RANBP2: variants seen among roughly 807,000 people sequenced by gnomAD.
RANBP2 encodes the protein E3 SUMO-protein ligase RanBP2.
In RANBP2, 57 loss-of-function variants were observed where a neutral mutation model predicts 303.6. That is an observed-to-expected ratio of 0.19 (90% CI 0.15 to 0.23). The LOEUF (loss-of-function observed/expected upper bound fraction) is 0.23, where lower values mean the gene tolerates loss of function less well. Ranked by LOEUF, RANBP2 falls within the 10% of genes least tolerant of loss-of-function variation. The pLI is 1.00. For missense variants in RANBP2, 3,138 were observed against 3,780.8 expected (o/e 0.83, Z 4.46); for synonymous variants, 1,167 against 1,301.5 (o/e 0.90, Z 2.23).
chr2:108,928,092 G>A, the RANBP2 span, among the ~76,000 whole-genome samples: 1 of 152,244 alleles, frequency 6.6e-6, no homozygotes, highest in African/African-American at 2.4e-5. Flanking sequence ...GTCTTCAGCG[G>A]TGGTTTCCAG....
Position 108,763,433 on chromosome 2 carries a change from A to G in RANBP2, c.2894A>G (p.Asn965Ser), listed in dbSNP as rs201447642. The G allele has an allele frequency of 7.4e-5, 120 of 1,613,914 alleles. No individual in the cohort carries two copies. Among genetic ancestry groups the G allele is most frequent in the East Asian group, 5.1e-4 (23 of 44,894 alleles). The change falls in exon 20 of 29, where the codon AAT (asparagine) becomes AGT (serine). Residue 965 changes from asparagine to serine, a missense_variant. Coordinates refer to ENST00000283195, the MANE Select transcript of RANBP2 (RefSeq NM_006267.5). Reference protein sequence around the residue: ...SPRGDDYFNYNVQQTSTNPPL... With the variant: ...SPRGDDYFNYSVQQTSTNPPL... ...AGGGGTGATGATTACTTTAATTACA[A>G]TGTTCAACAGACAAGCACAAATCCA...
chr2:108,786,889 G>A (rs746664626), downstream of RANBP2: 13 of 1,561,992 alleles, frequency 8.3e-6, no homozygotes, highest in African/African-American at 1.4e-5. Context: ...AAGCCGCTAC[G>A]GACTCGGGGG....
the RANBP2 span, among the ~76,000 whole-genome samples, chr2:109,527,901 G>T: frequency 6.6e-6 from 1 of 152,234 alleles, no homozygotes; most frequent in South Asian, 2.1e-4. Context: ...CGACTGAGGA[G>T]CCAGGGAGGG....
At chr2:109,094,867 A>G in the RANBP2 span, among the ~76,000 whole-genome samples, 17 of 152,314 alleles carry the variant, frequency 1.1e-4, no homozygotes, top group African/African-American at 4.1e-4. Context: ...ACAACTGATT[A>G]ATTGGCTTGG....
chr2:109,490,836 A>G, the RANBP2 span: 1 of 1,536,784 alleles, frequency 6.5e-7, no homozygotes, highest in Non-Finnish European at 8.7e-7. Context: ...TCTGCACAGG[A>G]AGGCAGGCTC....
the RANBP2 span, among the ~76,000 whole-genome samples, chr2:108,990,437 C>CAAAAA: frequency 1.1e-3 from 78 of 70,276 alleles, no homozygotes; most frequent in African/African-American, 1.3e-3. Context: ...GACTCCGTCT[C>CAAAAA]AAAAAAAAAA....
the RANBP2 span, among the ~76,000 whole-genome samples, chr2:108,830,112 A>T: frequency 6.6e-5 from 10 of 152,222 alleles, no homozygotes; most frequent in Admixed American, 6.5e-4. Context: ...ATGCTACAGC[A>T]TGAATGAACC....
chr2:109,002,312 T>C, the RANBP2 span, among the ~76,000 whole-genome samples: 1 of 152,196 alleles, frequency 6.6e-6, no homozygotes, highest in African/African-American at 2.4e-5. Flanking sequence ...GAGCCGGGAT[T>C]CCACTTCCCA....
chr2:109,384,356 G>C, the RANBP2 span, among the ~76,000 whole-genome samples: 1 of 152,152 alleles, frequency 6.6e-6, no homozygotes, highest in African/African-American at 2.4e-5. Context: ...CTGGGAGGAG[G>C]GAACTGCAGT....
chr2:108,891,424 T>C, the RANBP2 span, among the ~76,000 whole-genome samples: 1 of 152,240 alleles, frequency 6.6e-6, no homozygotes, highest in Non-Finnish European at 1.5e-5. Context: ...GTATGATTTT[T>C]TAGGCTGTAA....
the RANBP2 span, among the ~76,000 whole-genome samples, chr2:109,333,185 A>G: frequency 1.3e-5 from 2 of 152,220 alleles, no homozygotes; most frequent in African/African-American, 2.4e-5. Context: ...GCACCTCGGA[A>G]AGGCATGATG....
chr2:109,496,785 A>AG, the RANBP2 span, among the ~76,000 whole-genome samples: 1 of 107,978 alleles, frequency 9.3e-6, no homozygotes, highest in African/African-American at 3.7e-5. Context: ...GGCAAAGAGA[A>AG]ATCAGGTTGC....
chr2:109,032,368 A>G, the RANBP2 span, among the ~76,000 whole-genome samples: 1 of 152,214 alleles, frequency 6.6e-6, no homozygotes, highest in Non-Finnish European at 1.5e-5. Flanking sequence ...TTAGAACTTT[A>G]GAACTCCAGG....
the RANBP2 span, among the ~76,000 whole-genome samples, chr2:109,020,616 C>T: frequency 2.6e-5 from 4 of 152,250 alleles, no homozygotes; most frequent in East Asian, 7.7e-4. Flanking sequence ...ATGATATTAA[C>T]AATAATCTAA....
the RANBP2 span, among the ~76,000 whole-genome samples, chr2:109,420,014 G>A: frequency 6.6e-6 from 1 of 152,300 alleles, no homozygotes; most frequent in African/African-American, 2.4e-5. Flanking sequence ...GGTAGTCTAG[G>A]AGCTTGGGTA....
At chr2:109,604,383 A>AAGGGG in the RANBP2 span, among the ~76,000 whole-genome samples, 12 of 64,430 alleles carry the variant, frequency 1.9e-4, no homozygotes, top group East Asian at 5.8e-4. Context: ...AAGGGAAGGG[A>AAGGGG]AGGGGAGGGG....
chr2:108,992,611 T>G, the RANBP2 span, among the ~76,000 whole-genome samples: 2 of 152,218 alleles, frequency 1.3e-5, no homozygotes, highest in African/African-American at 4.8e-5. Flanking sequence ...TACCTGCAGG[T>G]GAAGTCTATC....
In RANBP2 at chr2:108,754,926, G is replaced by A. The variant is rs1205038926; in HGVS notation, c.2224G>A (p.Val742Ile). ...VKKLPVPLES[V>I]KEMLNSVMQE... ...TTAGTTGCCTGTGCCCCTGGAGTCTGTAAAAGAGATGCTTAATTCAGTCAT... is the reference window on the plus strand; with the variant it reads ...TTAGTTGCCTGTGCCCCTGGAGTCTATAAAAGAGATGCTTAATTCAGTCAT... Residue 742 changes from valine to isoleucine, a missense_variant, in exon 16 of 29, where the codon GTA becomes ATA. By Grantham distance (29) the Val-to-Ile change is conservative (BLOSUM62 3). Around this residue, in one of 20 missense-constraint regions of RANBP2, gnomAD observed 194 missense variants for 197.4 expected, o/e 0.98. Transcript: ENST00000283195. 2 of 1,611,856 alleles carry A rather than the reference G, an allele frequency of 1.2e-6. No homozygotes were observed. The highest frequency in any genetic ancestry group is 1.7e-5 in the Admixed American group (1 of 60,000).
At chr2:109,545,657 G>A in the RANBP2 span, 7 of 1,490,812 alleles carry the variant, frequency 4.7e-6, no homozygotes, top group Non-Finnish European at 6.2e-6. Context: ...CCCCAACAAA[G>A]GGCACAGCTT....
Sources: allele counts gnomAD v4.1 joint callset (sites outside exome capture counted in the v4.1 genomes callset), GRCh38; gene constraint gnomAD v4.1.1; regional missense constraint gnomAD v4.1.1; transcripts MANE v1.5; gene names NCBI Gene and HGNC (gene_info 2026-07-23, HGNC 2026-07-21).